Variants in MYCN observed in about 807,000 individuals in gnomAD.
MYCN encodes N-myc proto-oncogene protein.
A neutral mutation model predicts 28.1 loss-of-function variants in MYCN; 3 were observed. That is an observed-to-expected ratio of 0.11 (90% confidence interval 0.05 to 0.28). The LOEUF is 0.28. MYCN is among the 10% of genes least tolerant of loss of function. The pLI is 1.00. For missense variants in MYCN, 572 were observed against 651.4 expected (o/e 0.88, Z 1.33); for synonymous variants, 326 against 288.3 (o/e 1.13, Z -1.32).
Position 15,942,072 on chromosome 2 carries a change from G to T in MYCN, c.8G>T (p.Ser3Ile). The T allele has an allele frequency of 6.2e-7, 1 of 1,613,728 alleles. No homozygotes were observed. Among genetic ancestry groups the T allele is most frequent in the Non-Finnish European group, 8.5e-7 (1 of 1,179,998 alleles). The part of the protein sequence containing the change: MP[S>I]CSTSTMPGMI... ...CGGCCGGGAGGCGAGCCGATGCCGA[G>T]CTGCTCCACGTCCACCATGCCGGGC... The change falls in exon 2 of 3, where the codon AGC (serine) becomes ATC (isoleucine). Residue 3 changes from serine to isoleucine, a missense_variant. Coordinates refer to ENST00000281043, the MANE Select transcript of MYCN (RefSeq NM_005378.6). The surrounding 1 kb of genome is among the most constrained non-coding windows in gnomAD (Gnocchi z 7.0).
Position 15,942,388 on chromosome 2 carries a change from C to G in MYCN, c.324C>G (p.Asn108Lys). Residue 108 changes from asparagine to lysine, a missense_variant, in exon 2 of 3, where the codon AAC becomes AAG. Physicochemically the swap from Asn to Lys is moderately conservative, Grantham distance 94 (BLOSUM62 0). Around this residue, in one of 3 missense-constraint regions of MYCN, gnomAD observed 499 missense variants for 524.3 expected, o/e 0.95. Coordinates refer to ENST00000281043, the MANE Select transcript of MYCN (RefSeq NM_005378.6). This position sits in a 1 kb window ranked among gnomAD's most constrained non-coding sequence, Gnocchi z 7.0. ...GGGGACTGGGTGGCCTCACCCCCAA[C>G]CCGGTCATCCTCCAGGACTGCATGT... ...GLGGLGGLTP[N>K]PVILQDCMWS... is the part of the protein sequence containing the mutation. 2.5e-6 allele frequency: 4 copies of G among 1,607,666 alleles called. No homozygotes were observed. The highest frequency in any genetic ancestry group is 3.4e-6 in the Non-Finnish European group (4 of 1,178,780).
At position 15,942,679 on chromosome 2, in the gene MYCN, G is replaced by C. The variant is rs2103325652; in HGVS notation, c.615G>C (p.Val205=). 3 of 1,178,852 alleles carry C rather than the reference G, an allele frequency of 2.5e-6. No individual in the cohort carries two copies. Among genetic ancestry groups the C allele is most frequent in the Middle Eastern group, 3.3e-4 (1 of 3,032 alleles). The allele number at this position is 1,178,852 out of a possible 1,614,324, so 73.0% of individuals were successfully genotyped here. The part of the protein sequence containing the change: ...FPVNKREPAP[V]PAAPASAPAA... ...TGAACAAGCGCGAGCCAGCGCCCGT[G>C]CCCGCAGCCCCGGCCAGTGCCCCGG... The change falls in exon 2 of 3, where the codon GTG becomes GTC. Residue 205 remains valine, a synonymous_variant. Transcript: ENST00000281043. The surrounding 1 kb of genome is among the most constrained non-coding windows in gnomAD (Gnocchi z 7.0).
Position 15,945,293 on chromosome 2 carries a change from T to A in MYCN, c.791-200T>A. 6.6e-6 allele frequency among the ~76,000 whole-genome samples: 1 copy of A among 152,058 alleles called. No individual in the cohort carries two copies. On this transcript the variant is annotated intron_variant, in intron 2 of 2. Coordinates refer to ENST00000281043, the MANE Select transcript of MYCN (RefSeq NM_005378.6). This position sits in a 1 kb window ranked among gnomAD's most constrained non-coding sequence, Gnocchi z 4.8. The stretch of plus-strand genomic sequence containing the variant: ...GGGATTACAGGTGTGAGTCACCGCG[T>A]CCGGCCTACAGATATATTTAATTTA...
Position 15,941,588 on chromosome 2 carries a change from ACC to A in MYCN, c.-117-359_-117-358del. On this transcript the variant is annotated intron_variant, in intron 1 of 2. Coordinates refer to ENST00000281043, the MANE Select transcript of MYCN (RefSeq NM_005378.6). This position sits in a 1 kb window ranked among gnomAD's most constrained non-coding sequence, Gnocchi z 4.8. ...GCTTCCCCTGAGCAGCCGGCCCCAC[ACC>A]GCTGCGAGTGCGGTTGTCTGCGTGC... The A allele has an allele frequency of 4.5e-6, 1 of 224,222 alleles. No individual in the cohort carries two copies. Among genetic ancestry groups the A allele is most frequent in the Admixed American group, 5.4e-5 (1 of 18,534 alleles). 13.9% of individuals were successfully genotyped at this position (224,222 alleles called of 1,614,324 possible). A position where few individuals can be genotyped will look rare whatever the true frequency, so the allele number is the denominator to read the frequency against.
rs755369959 is a variant in MYCN, at chr2:15,942,518, G to A, written c.454G>A (p.Ala152Thr). ...CGGTTCCACCGCCCAGTCCCCGGGAGCCGGCGCCGCCAGCCCTGCGGGTCG... is the reference window on the plus strand; with the variant it reads ...CGGTTCCACCGCCCAGTCCCCGGGAACCGGCGCCGCCAGCCCTGCGGGTCG... ...TAGSTAQSPG[A>T]GAASPAGRGH... The change falls in exon 2 of 3, where the codon GCC (alanine) becomes ACC (threonine). Residue 152 changes from alanine (A) to threonine (T), a missense_variant. Transcript: ENST00000281043. This position sits in a 1 kb window ranked among gnomAD's most constrained non-coding sequence, Gnocchi z 7.0. 7.0e-7 allele frequency: 1 copy of A among 1,431,958 alleles called. No homozygotes were observed. The allele number at this position is 1,431,958 out of a possible 1,614,324, so 88.7% of individuals were successfully genotyped here.
In MYCN at chr2:15,945,376, TAGC is replaced by T. The variant is rs1266909975; in HGVS notation, c.791-114_791-112del. The T allele has an allele frequency of 1.7e-6, 2 of 1,200,750 alleles. No individual in the cohort carries two copies. Among genetic ancestry groups the T allele is most frequent in the African/African-American group, 1.5e-5 (1 of 66,074 alleles). The allele number at this position is 1,200,750 out of a possible 1,614,324, so 74.4% of individuals were successfully genotyped here. ...ATCTATGTTGATGGACCCATAAAAA[TAGC>T]AGTCTGCCAGGGTCTGCCGGAAGAG... On this transcript the variant is annotated intron_variant, in intron 2 of 2. Coordinates refer to ENST00000281043, the MANE Select transcript of MYCN (RefSeq NM_005378.6). This position sits in a 1 kb window ranked among gnomAD's most constrained non-coding sequence, Gnocchi z 4.8.
In MYCN at chr2:15,945,519, G is replaced by A; in HGVS notation, c.817G>A (p.Glu273Lys). Residue 273 changes from glutamate to lysine, a missense_variant, in exon 3 of 3, where the codon GAA (glutamate) becomes AAA (lysine). By Grantham distance (56) the Glu-to-Lys change is moderately conservative. Around this residue, in one of 3 missense-constraint regions of MYCN, gnomAD observed 499 missense variants for 524.3 expected, o/e 0.95. Coordinates refer to ENST00000281043, the MANE Select transcript of MYCN (RefSeq NM_005378.6). This position sits in a 1 kb window ranked among gnomAD's most constrained non-coding sequence, Gnocchi z 4.8. ...TGATGAAGATGATGAAGAGGAAGAT[G>A]AAGAGGAAGAAATCGACGTGGTCAC... ...SDDEDDEEED[E>K]EEEIDVVTVE... 1 of 1,612,692 alleles carries A rather than the reference G, an allele frequency of 6.2e-7. No homozygotes were observed. The highest frequency in any genetic ancestry group is 8.5e-7 in the Non-Finnish European group (1 of 1,179,412).
In MYCN at chr2:15,942,059, G is replaced by C. The variant is rs768097049; in HGVS notation, c.-6G>C. 8 of 1,613,346 alleles carry C rather than the reference G, an allele frequency of 5.0e-6. No homozygotes were observed. Among genetic ancestry groups the C allele is most frequent in the South Asian group, 1.1e-5 (1 of 91,084 alleles). On this transcript the variant is annotated 5_prime_UTR_variant, in exon 2 of 3. Transcript: ENST00000281043. This position sits in a 1 kb window ranked among gnomAD's most constrained non-coding sequence, Gnocchi z 7.0. ...AGCCCTCAGTCGCCGGCCGGGAGGC[G>C]AGCCGATGCCGAGCTGCTCCACGTC...
At position 15,945,542 on chromosome 2, in the gene MYCN, C is replaced by T; in HGVS notation, c.840C>T (p.Val280=). 10 of 1,613,936 alleles carry T rather than the reference C, an allele frequency of 6.2e-6. No individual in the cohort carries two copies. Among genetic ancestry groups the T allele is most frequent in the Non-Finnish European group, 8.5e-6 (10 of 1,179,940 alleles). The part of the protein sequence containing the change: ...EEDEEEEIDV[V]TVEKRRSSSN... The stretch of plus-strand genomic sequence containing the variant: ...ATGAAGAGGAAGAAATCGACGTGGT[C>T]ACTGTGGAGAAGCGGCGTTCCTCCT... The change falls in exon 3 of 3, where the codon GTC becomes GTT. Residue 280 remains valine, a synonymous_variant. Coordinates refer to ENST00000281043, the MANE Select transcript of MYCN (RefSeq NM_005378.6). This position sits in a 1 kb window ranked among gnomAD's most constrained non-coding sequence, Gnocchi z 4.8.
chr2:15,942,063 C>G lies in MYCN; in HGVS notation c.-2C>G, dbSNP rs148277324. On this transcript the variant is annotated 5_prime_UTR_variant, in exon 2 of 3. Coordinates refer to ENST00000281043, the MANE Select transcript of MYCN (RefSeq NM_005378.6). This position sits in a 1 kb window ranked among gnomAD's most constrained non-coding sequence, Gnocchi z 7.0. The stretch of plus-strand genomic sequence containing the variant: ...CTCAGTCGCCGGCCGGGAGGCGAGC[C>G]GATGCCGAGCTGCTCCACGTCCACC... The G allele has an allele frequency of 1.7e-5, 27 of 1,613,410 alleles. No individual in the cohort carries two copies. In the South Asian group the frequency reaches 2.1e-4, roughly 12 times the overall value.
chr2:15,942,790 C>G lies in MYCN; in HGVS notation c.726C>G (p.Arg242=). The G allele has an allele frequency of 6.6e-7, 1 of 1,511,102 alleles. No homozygotes were observed. Among genetic ancestry groups the G allele is most frequent in the Non-Finnish European group, 8.8e-7 (1 of 1,134,390 alleles). 93.6% of individuals were successfully genotyped at this position (1,511,102 alleles called of 1,614,324 possible). A position where few individuals can be genotyped will look rare whatever the true frequency, so the allele number is the denominator to read the frequency against. Residue 242 remains arginine, a synonymous_variant, in exon 2 of 3, where the codon CGC becomes CGG. Coordinates refer to ENST00000281043, the MANE Select transcript of MYCN (RefSeq NM_005378.6). This position sits in a 1 kb window ranked among gnomAD's most constrained non-coding sequence, Gnocchi z 7.0. ...PGVAPPRPGG[R]QTSGGDHKAL... is the part of the protein sequence containing the mutation. The stretch of plus-strand genomic sequence containing the variant: ...TCGCCCCTCCGCGCCCAGGCGGCCG[C>G]CAGACCAGCGGCGGCGACCACAAGG...
Position 15,946,234 on chromosome 2 carries a change from A to G in MYCN, c.*137A>G. On this transcript the variant is annotated 3_prime_UTR_variant, in exon 3 of 3. Transcript: ENST00000281043. ...TCGAGTTCGGCTCTGGGTGGGCAGT[A>G]GGACCACCAGTGTGGGGTTCTGCTG... 2 of 1,252,158 alleles carry G rather than the reference A, an allele frequency of 1.6e-6. No homozygotes were observed. Among genetic ancestry groups the G allele is most frequent in the South Asian group, 1.3e-5 (1 of 77,678 alleles). 77.6% of individuals were successfully genotyped at this position (1,252,158 alleles called of 1,614,324 possible).
chr2:15,944,264 T>A (rs1055895916), intron 2 of MYCN, among the ~76,000 whole-genome samples: 1 of 152,194 alleles, frequency 6.6e-6, no homozygotes, highest in African/African-American at 2.4e-5. Context: ...GTTTTGATTT[T>A]CATGCTTGTA....
rs768583620 is a variant in MYCN, at chr2:15,942,614, G to T, written c.550G>T (p.Ala184Ser). Reference protein sequence around the residue: ...ALPAELAHPAAECVDPAVVFP... With the variant: ...ALPAELAHPASECVDPAVVFP... ...GCCCGCCGAGCTCGCCCACCCGGCC[G>T]CCGAGTGCGTGGATCCCGCCGTGGT... Residue 184 changes from alanine (A) to serine (S), a missense_variant, in exon 2 of 3, where the codon GCC (alanine) becomes TCC (serine). Around this residue, in one of 3 missense-constraint regions of MYCN, gnomAD observed 499 missense variants for 524.3 expected, o/e 0.95. Transcript: ENST00000281043. This position sits in a 1 kb window ranked among gnomAD's most constrained non-coding sequence, Gnocchi z 7.0. The T allele has an allele frequency of 1.2e-4, 133 of 1,105,814 alleles. 1 individual carries two copies. In the East Asian group the frequency reaches 5.3e-3, roughly 44 times the overall value. 68.5% of individuals were successfully genotyped at this position (1,105,814 alleles called of 1,614,324 possible).
rs929387654 is a variant in MYCN, at chr2:15,940,902, A to G, written c.-118+159A>G. 1.0e-5 allele frequency: 4 copies of G among 397,132 alleles called. No homozygotes were observed. The Admixed American group carries it at 1.8e-4, about 17-fold the overall frequency. 24.6% of individuals were successfully genotyped at this position (397,132 alleles called of 1,614,324 possible). A position where few individuals can be genotyped will look rare whatever the true frequency, so the allele number is the denominator to read the frequency against. ...AACAAAACCATCTCTGGGTTTTCCC[A>G]GAAAAGCCAGTTCCAGCCCCGAAGG... On this transcript the variant is annotated intron_variant, in intron 1 of 2. Coordinates refer to ENST00000281043, the MANE Select transcript of MYCN (RefSeq NM_005378.6).
rs1662611740 is a variant in MYCN at position 15,940,672 on chromosome 2, A to ACCCCCCCCCCCCCCCCCCCC, written c.-184_-183insCCCCCCCCCCCCCCCCCCCC. On this transcript the variant is annotated 5_prime_UTR_variant, in exon 1 of 3. Coordinates refer to ENST00000281043, the MANE Select transcript of MYCN (RefSeq NM_005378.6). ...GCACAGACTGTAGCCATCCGAGGAC[A>ACCCCCCCCCCCCCCCCCCCC]CCCCCGCCCCCCCGGCCCACCCGGA... The ACCCCCCCCCCCCCCCCCCCC allele has an allele frequency of 2.5e-6, 1 of 396,928 alleles. No homozygotes were observed. Among genetic ancestry groups the ACCCCCCCCCCCCCCCCCCCC allele is most frequent in the Non-Finnish European group, 4.4e-6 (1 of 225,122 alleles). The allele number at this position is 396,928 out of a possible 1,614,324, so 24.6% of individuals were successfully genotyped here.
chr2:15,943,303 G>A (rs1022695143), intron 2 of MYCN, among the ~76,000 whole-genome samples: 8 of 152,142 alleles, frequency 5.3e-5, no homozygotes, highest in Admixed American at 1.3e-4. Context: ...AAGACATCCC[G>A]AGAAGATTCA....
In MYCN at chr2:15,945,556, G is replaced by T. The variant is rs747134309; in HGVS notation, c.854G>T (p.Arg285Leu). 1.9e-5 allele frequency: 31 copies of T among 1,613,830 alleles called. No homozygotes were observed. Among genetic ancestry groups the T allele is most frequent in the Admixed American group, 1.8e-4 (11 of 59,982 alleles). The stretch of plus-strand genomic sequence containing the variant: ...ATCGACGTGGTCACTGTGGAGAAGC[G>T]GCGTTCCTCCTCCAACACCAAGGCT... The part of the protein sequence containing the change: ...EEIDVVTVEK[R>L]RSSSNTKAVT... The change falls in exon 3 of 3, where the codon CGG becomes CTG. Residue 285 changes from arginine (R) to leucine (L), a missense_variant. Physicochemically the swap from Arg to Leu is moderately radical, Grantham distance 102. Around this residue, in one of 3 missense-constraint regions of MYCN, gnomAD observed 499 missense variants for 524.3 expected, o/e 0.95. Coordinates refer to ENST00000281043, the MANE Select transcript of MYCN (RefSeq NM_005378.6). The surrounding 1 kb of genome is among the most constrained non-coding windows in gnomAD (Gnocchi z 4.8).
chr2:15,946,218 G>C lies in MYCN; in HGVS notation c.*121G>C, dbSNP rs540227340. ...TCAAATCGGTCCCCTGTCGAGTTCG[G>C]CTCTGGGTGGGCAGTAGGACCACCA... On this transcript the variant is annotated 3_prime_UTR_variant, in exon 3 of 3. Coordinates refer to ENST00000281043, the MANE Select transcript of MYCN (RefSeq NM_005378.6). 1 of 1,430,732 alleles carries C rather than the reference G, an allele frequency of 7.0e-7. No individual in the cohort carries two copies. Among genetic ancestry groups the C allele is most frequent in the Non-Finnish European group, 9.7e-7 (1 of 1,036,114 alleles). 88.6% of individuals were successfully genotyped at this position (1,430,732 alleles called of 1,614,324 possible).
Sources: gnomAD v4.1 joint callset for allele counts (sites outside exome capture counted in the v4.1 genomes callset) on GRCh38, gnomAD v4.1.1 for gene constraint, gnomAD v4.1.1 regional missense constraint, Gnocchi (gnomAD v3.1) non-coding constraint, MANE v1.5 for transcripts, NCBI Gene and HGNC (gene_info 2026-07-23, HGNC 2026-07-21) for gene names.